Variants in TTN observed in about 807,000 individuals in gnomAD.
TTN encodes titin.
Under a neutral mutation model 3,223.0 loss-of-function variants are expected in TTN, and 1,525 were observed. That is an observed-to-expected ratio of 0.47 (90% CI 0.45 to 0.49). The LOEUF (loss-of-function observed/expected upper bound fraction) is 0.49, where lower values mean the gene tolerates loss of function less well. Ranked by LOEUF, TTN falls within the 20% of genes least tolerant of loss-of-function variation. TTN has a pLI of 0.00. For synonymous variants in TTN, 14,094 were observed against 15,161.0 expected, an observed-to-expected ratio of 0.93 and a Z score of 5.17; for missense variants, 40,786 against 43,424.0, an observed-to-expected ratio of 0.94 and a Z score of 5.40.
intron 13 of TTN, among the ~76,000 whole-genome samples, chr2:178,787,867 A>G (rs1360655043): frequency 6.6e-6 from 1 of 152,078 alleles, no homozygotes; most frequent in Non-Finnish European, 1.5e-5. Flanking sequence ...GTGGACTTTG[A>G]TATCTCTCAC....
At chr2:178,613,654 T>C in intron 263 of TTN, 97 bp downstream of exon 263, 3 of 1,269,422 alleles carry the variant, frequency 2.4e-6, no homozygotes, top group Non-Finnish European at 3.2e-6. Context: ...AAAATTTTTT[T>C]AGTAATATAT....
chr2:178,702,690 G>T, intron 106 of TTN, 27 bp from the exon 107 acceptor site: 1 of 1,597,250 alleles, frequency 6.3e-7, no homozygotes, highest in East Asian at 2.2e-5. Flanking sequence ...AGGGTTCAAA[G>T]TTAGATTATA....
At position 178,569,836 on chromosome 2, in the gene TTN, A is replaced by G. The variant is rs868081432; in HGVS notation, c.76296T>C (p.Asp25432=). 15 of 1,613,506 alleles carry G rather than the reference A, an allele frequency of 9.3e-6. No homozygotes were observed. The Middle Eastern group carries it at 2.0e-3, about 213-fold the overall frequency. ...VFLSWSKPIY[D]GGCEIQGYIV... is the part of the protein sequence containing the mutation. Reference sequence around the variant, plus strand: ...TGTATCCTTGAATTTCACAGCCACCATCATATATTGGTTTGCTCCAAGAAA... The same window carrying G: ...TGTATCCTTGAATTTCACAGCCACCGTCATATATTGGTTTGCTCCAAGAAA... The change falls in exon 326 of 363, where the codon GAT becomes GAC. Residue 25432 remains aspartate, a synonymous_variant. Transcript: ENST00000589042.
In TTN at chr2:178,693,598, A is replaced by G; in HGVS notation, c.31594+11T>C. 1 of 1,540,114 alleles carries G rather than the reference A, an allele frequency of 6.5e-7. No homozygotes were observed. Among genetic ancestry groups the G allele is most frequent in the Non-Finnish European group, 8.8e-7 (1 of 1,135,824 alleles). On this transcript the variant is annotated intron_variant, in intron 119 of 362. Transcript: ENST00000589042. ...TTAAAAGAGTTTAAACTTAGAATGAATTACTAATACCTTTAGGTGGTGGTT... is the reference window on the plus strand; with the variant it reads ...TTAAAAGAGTTTAAACTTAGAATGAGTTACTAATACCTTTAGGTGGTGGTT...
At chr2:178,629,696 C>T (rs1257721891) in intron 239 of TTN, among the ~76,000 whole-genome samples, 1 of 152,106 alleles carries the variant, frequency 6.6e-6, no homozygotes, top group Admixed American at 6.6e-5. Flanking sequence ...GCATCTGTCT[C>T]TCTGCCAGGC....
chr2:178,634,242 T>C lies in TTN; in HGVS notation c.42415+124A>G, dbSNP rs1466488071. On this transcript the variant is annotated intron_variant, in intron 230 of 362. Transcript: ENST00000589042. This position sits in a 1 kb window ranked among gnomAD's most constrained non-coding sequence, Gnocchi z 4.6. ...AAAAACAAATTAAGGGGGGTTGTTT[T>C]GGTAACACTGTGAAAGTTAATTAGT... is the stretch of plus-strand genomic sequence containing the variant. 2.0e-6 allele frequency: 3 copies of C among 1,485,334 alleles called. No individual in the cohort carries two copies. The highest frequency in any genetic ancestry group is 1.8e-6 in the Non-Finnish European group (2 of 1,121,782). The allele number at this position is 1,485,334 out of a possible 1,614,324, so 92.0% of individuals were successfully genotyped here.
intron 216 of TTN, 105 bp downstream of exon 216, chr2:178,646,380 A>C: frequency 1.4e-6 from 1 of 704,604 alleles, no homozygotes; most frequent in South Asian, 2.6e-5. Context: ...AATACTTTAC[A>C]TACAAATGGG....
At chr2:178,650,476 T>C (rs2062753006) in intron 209 of TTN, among the ~76,000 whole-genome samples, 1 of 152,166 alleles carries the variant, frequency 6.6e-6, no homozygotes, top group Non-Finnish European at 1.5e-5. Flanking sequence ...TTTTAGTGTT[T>C]AATGTCATTT....
chr2:178,527,041 T>C lies in TTN; in HGVS notation c.107947A>G (p.Thr35983Ala), dbSNP rs764418855. 1 of 1,613,748 alleles carries C rather than the reference T, an allele frequency of 6.2e-7. No individual in the cohort carries two copies. Among genetic ancestry groups the C allele is most frequent in the South Asian group, 1.1e-5 (1 of 91,036 alleles). Residue 35983 changes from threonine to alanine, a missense_variant, in exon 363 of 363, where the codon ACT becomes GCT. Coordinates refer to ENST00000589042, the MANE Select transcript of TTN (RefSeq NM_001267550.2). ...LGNEFGSDSA[T>A]VNIHIRSI Reference sequence around the variant, plus strand: ...ATGGATCGAATATGTATATTCACAGTGGCAGAGTCAGATCCAAATTCATTC... The same window carrying C: ...ATGGATCGAATATGTATATTCACAGCGGCAGAGTCAGATCCAAATTCATTC...
chr2:178,548,472 CATA>C lies in TTN; in HGVS notation c.93151_93153del (p.Tyr31051del). On this transcript the variant is annotated inframe_deletion, in exon 339 of 363. Transcript: ENST00000589042. This position sits in a 1 kb window ranked among gnomAD's most constrained non-coding sequence, Gnocchi z 4.3. ...CGACTTGCCTCTCGTTTCTCTACCA[CATA>C]ATGATGGATTCGGGCACCACCGTCA... 1.2e-6 allele frequency: 2 copies of C among 1,613,892 alleles called. No homozygotes were observed. The highest frequency in any genetic ancestry group is 8.5e-7 in the Non-Finnish European group (1 of 1,179,824).
At chr2:178,690,766 G>A (rs575679744) in intron 121 of TTN, among the ~76,000 whole-genome samples, 1 of 152,118 alleles carries the variant, frequency 6.6e-6, no homozygotes, top group East Asian at 1.9e-4. Context: ...ATATGTATAT[G>A]TTATGCTATA....
Position 178,670,248 on chromosome 2 carries a change from G to T in TTN, c.35356C>A (p.Pro11786Thr). The T allele has an allele frequency of 6.7e-7, 1 of 1,495,546 alleles. No individual in the cohort carries two copies. The allele number at this position is 1,495,546 out of a possible 1,614,324, so 92.6% of individuals were successfully genotyped here. A position where few individuals can be genotyped will look rare whatever the true frequency, so the allele number is the denominator to read the frequency against. The change falls in exon 157 of 363, where the codon CCT (proline) becomes ACT (threonine). Residue 11786 changes from proline to threonine, a missense_variant. By Grantham distance (38) the Pro-to-Thr change is conservative (BLOSUM62 -1). Coordinates refer to ENST00000589042, the MANE Select transcript of TTN (RefSeq NM_001267550.2). Reference sequence around the variant, plus strand: ...GTTGGTGGAACTCTGGGCTCTTCAGGAACACGTACTTTTTCTTCTACCACA... The same window carrying T: ...GTTGGTGGAACTCTGGGCTCTTCAGTAACACGTACTTTTTCTTCTACCACA... ...KIVVEEKVRV[P>T]EEPRVPPTKA...
At chr2:178,578,737 A>T (rs747711841) in intron 320 of TTN, 22 bp from the exon 321 acceptor site, 112 of 1,604,874 alleles carry the variant, frequency 7.0e-5, no homozygotes, top group Non-Finnish European at 8.2e-5. Context: ...TAGATAATGC[A>T]AGATTTATAA....
At position 178,526,907 on chromosome 2, in the gene TTN, AACT is replaced by A. The variant is rs1183050736; in HGVS notation, c.*102_*104del. 4.5e-6 allele frequency: 5 copies of A among 1,122,562 alleles called. No individual in the cohort carries two copies. The highest frequency in any genetic ancestry group is 1.9e-5 in the South Asian group (1 of 52,310). 69.5% of individuals were successfully genotyped at this position (1,122,562 alleles called of 1,614,324 possible). A position where few individuals can be genotyped will look rare whatever the true frequency, so the allele number is the denominator to read the frequency against. The stretch of plus-strand genomic sequence containing the variant: ...CTTTGACTCATTTAGGTTGATACAA[AACT>A]ACTTTTTTTTCTTTAAATATTTACA... On this transcript the variant is annotated 3_prime_UTR_variant, in exon 363 of 363. Transcript: ENST00000589042.
Position 178,565,316 on chromosome 2 carries a change from A to G in TTN, c.80816T>C (p.Ile26939Thr), listed in dbSNP as rs1705331466. The change falls in exon 326 of 363, where the codon ATT becomes ACT. Residue 26939 changes from isoleucine (I) to threonine (T), a missense_variant. By Grantham distance (89) the Ile-to-Thr change is moderately conservative (BLOSUM62 -1). Transcript: ENST00000589042. ...EETATSTVLH[I>T]KEGNKDDFGK... is the part of the protein sequence containing the mutation. ...AAAGTCATCTTTGTTACCTTCTTTA[A>G]TGTGCAAAACAGTTGAGGTAGCTGT... The G allele has an allele frequency of 3.7e-6, 6 of 1,613,456 alleles. No homozygotes were observed. The highest frequency in any genetic ancestry group is 5.1e-6 in the Non-Finnish European group (6 of 1,179,664).
chr2:178,731,254 G>T (rs2080438741), intron 59 of TTN, 51 bp from the exon 60 acceptor site: 6 of 1,610,838 alleles, frequency 3.7e-6, no homozygotes, highest in Non-Finnish European at 5.1e-6. Flanking sequence ...CTGCTGAAAG[G>T]CTTACATCTG....
In TTN at chr2:178,570,873, C is replaced by T. The variant is rs759110420; in HGVS notation, c.75259G>A (p.Ala25087Thr). 6.0e-5 allele frequency: 96 copies of T among 1,613,416 alleles called. No individual in the cohort carries two copies. Among genetic ancestry groups the T allele is most frequent in the Middle Eastern group, 1.6e-4 (1 of 6,078 alleles). ...TCTGAAGGCTCACTAAACACTCCTG[C>T]GGCATTTCGGGCTATAACCCGGAAC... ...YEFRVIARNA[A>T]GVFSEPSEST... The change falls in exon 326 of 363, where the codon GCA becomes ACA. Residue 25087 changes from alanine to threonine, a missense_variant. By Grantham distance (58) the Ala-to-Thr change is moderately conservative. Transcript: ENST00000589042.
Position 178,565,664 on chromosome 2 carries a change from C to T in TTN, c.80468G>A (p.Gly26823Glu). Residue 26823 changes from glycine to glutamate, a missense_variant, in exon 326 of 363, where the codon GGA (glycine) becomes GAA (glutamate). By Grantham distance (98) the Gly-to-Glu change is moderately conservative. Coordinates refer to ENST00000589042, the MANE Select transcript of TTN (RefSeq NM_001267550.2). ...LGYVVEMQPKGTEKWSIVAES... is the reference protein window; with the variant it reads ...LGYVVEMQPKETEKWSIVAES... Reference sequence around the variant, plus strand: ...AGCCACAATGCTCCATTTTTCAGTTCCTTTGGGCTGCATTTCAACAACGTA... The same window carrying T: ...AGCCACAATGCTCCATTTTTCAGTTTCTTTGGGCTGCATTTCAACAACGTA... The T allele has an allele frequency of 6.2e-7, 1 of 1,613,560 alleles. No individual in the cohort carries two copies. Among genetic ancestry groups the T allele is most frequent in the Non-Finnish European group, 8.5e-7 (1 of 1,179,640 alleles).
rs767866367 is a variant in TTN at position 178,539,409 on chromosome 2, C to T, written c.98656G>A (p.Glu32886Lys). 6.2e-7 allele frequency: 1 copy of T among 1,612,654 alleles called. No individual in the cohort carries two copies. The highest frequency in any genetic ancestry group is 1.1e-5 in the South Asian group (1 of 91,068). Residue 32886 changes from glutamate to lysine, a missense_variant, in exon 352 of 363, where the codon GAA becomes AAA. By Grantham distance (56) the Glu-to-Lys change is moderately conservative. Transcript: ENST00000589042. Reference sequence around the variant, plus strand: ...AATGGTGTTTTTGGTGTGACTGGTTCCTCAGATTTCAAGGGTTTGCTTATG... The same window carrying T: ...AATGGTGTTTTTGGTGTGACTGGTTTCTCAGATTTCAAGGGTTTGCTTATG... ...FGISKPLKSE[E>K]PVTPKTPLNP...
Sources: gnomAD v4.1 joint callset for allele counts (sites outside exome capture counted in the v4.1 genomes callset) on GRCh38, gnomAD v4.1.1 for gene constraint, Gnocchi (gnomAD v3.1) non-coding constraint, MANE v1.5 for transcripts, NCBI Gene and HGNC (gene_info 2026-07-23, HGNC 2026-07-21) for gene names.